VPS13D: variants seen among roughly 807,000 people sequenced by gnomAD.
VPS13D encodes intermembrane lipid transfer protein VPS13D.
Under a neutral mutation model 461.9 loss-of-function variants are expected in VPS13D, and 187 were observed. The ratio of observed to expected loss-of-function variants is 0.40; its 90% confidence interval spans 0.36 to 0.46. The LOEUF (loss-of-function observed/expected upper bound fraction) is 0.46. Among genes scored for constraint, VPS13D ranks in the 20% least tolerant of loss-of-function variants. VPS13D has a pLI of 0.60. For synonymous variants in VPS13D, 1,951 were observed against 1,986.3 expected, an observed-to-expected ratio of 0.98 and a Z score of 0.47; for missense variants, 4,711 against 5,364.9, an observed-to-expected ratio of 0.88 and a Z score of 3.81.
chr1:12,307,199 G>A (rs1642590960), intron 26 of VPS13D, among the ~76,000 whole-genome samples: 1 of 152,104 alleles, frequency 6.6e-6, no homozygotes, highest in Non-Finnish European at 1.5e-5. Flanking sequence ...CTCCTACAGT[G>A]CTACTTATAG....
intron 26 of VPS13D, among the ~76,000 whole-genome samples, chr1:12,306,794 C>G (rs539042258): frequency 2.6e-5 from 4 of 152,216 alleles, no homozygotes; most frequent in South Asian, 4.1e-4. Flanking sequence ...TGAAACTGTT[C>G]CACCGCAGAT....
rs559609370 is a variant in VPS13D, at chr1:12,264,863, T to C, written c.1595-2018T>C. Among the ~76,000 whole-genome samples the C allele has an allele frequency of 7.2e-5, 11 of 152,336 alleles. No homozygotes were observed. The South Asian group carries it at 2.3e-3, about 32-fold the overall frequency. On this transcript the variant is annotated intron_variant, in intron 13 of 69. Coordinates refer to ENST00000620676, the MANE Select transcript of VPS13D (RefSeq NM_015378.4). Reference sequence around the variant, plus strand: ...GGAAGAAAATGCCATCTAGGACTTTTCATAGCTAGAGAGGAGAAGTCAATG... The same window carrying C: ...GGAAGAAAATGCCATCTAGGACTTTCCATAGCTAGAGAGGAGAAGTCAATG...
chr1:12,445,632 GT>G (rs1000973435), intron 65 of VPS13D, among the ~76,000 whole-genome samples: 5 of 152,156 alleles, frequency 3.3e-5, no homozygotes, highest in African/African-American at 1.2e-4. Flanking sequence ...AAGACCAGAG[GT>G]TTCTGAGGAA....
At chr1:12,341,611 A>G (rs1299473065) in intron 40 of VPS13D, among the ~76,000 whole-genome samples, 169 bp from the exon 41 acceptor site, 3 of 152,228 alleles carry the variant, frequency 2.0e-5, no homozygotes, top group East Asian at 1.9e-4. Flanking sequence ...ATTCTCCCAT[A>G]GCAGCCAGCA....
intron 21 of VPS13D, among the ~76,000 whole-genome samples, chr1:12,285,108 G>A (rs953503603): frequency 6.6e-6 from 1 of 152,084 alleles, no homozygotes; most frequent in Non-Finnish European, 1.5e-5. Flanking sequence ...CCTCAACAAT[G>A]CATTTTTTAA....
At chr1:12,285,990 TTCCTC>T (rs1332549731) in intron 21 of VPS13D, among the ~76,000 whole-genome samples, 1,556 of 49,244 alleles carry the variant, frequency 0.032, 48 homozygotes, top group Admixed American at 0.062. Context: ...TTCCTTTCCT[TTCCTC>T]TCCTCTCCTC....
chr1:12,425,861 A>G (rs1356753043), intron 65 of VPS13D, among the ~76,000 whole-genome samples: 1 of 152,154 alleles, frequency 6.6e-6, no homozygotes, highest in East Asian at 1.9e-4. Context: ...GGCAGCCTCT[A>G]TTTTTCCTCC....
chr1:12,401,141 G>A (rs986612353), intron 61 of VPS13D, among the ~76,000 whole-genome samples: 24 of 152,290 alleles, frequency 1.6e-4, no homozygotes, highest in Middle Eastern at 3.4e-3. Flanking sequence ...GAGTCTCCAC[G>A]CACAAGCTAG....
chr1:12,244,060 ATTC>A (rs1281806279), intron 3 of VPS13D, among the ~76,000 whole-genome samples, 183 bp from the exon 4 acceptor site: 1 of 152,220 alleles, frequency 6.6e-6, no homozygotes, highest in East Asian at 1.9e-4. Flanking sequence ...ATTATACCTT[ATTC>A]TTACAGATGT....
chr1:12,418,075 T>A (rs1194404367), intron 65 of VPS13D, among the ~76,000 whole-genome samples: 1 of 152,022 alleles, frequency 6.6e-6, no homozygotes, highest in African/African-American at 2.4e-5. Flanking sequence ...CCCCATTGAT[T>A]TTTTGTATTT....
chr1:12,256,690 GT>G lies in VPS13D; in HGVS notation c.840+207del, dbSNP rs372902457. Among the ~76,000 whole-genome samples, 1,227 of 123,010 alleles carry G rather than the reference GT, an allele frequency of 1.0e-2. 21 individuals are homozygous for G. Among genetic ancestry groups the G allele is most frequent in the African/African-American group, 0.029 (968 of 33,688 alleles). The allele number at this position is 123,010 out of a possible 152,430, so 80.7% of individuals were successfully genotyped here. On this transcript the variant is annotated intron_variant, in intron 8 of 69. Coordinates refer to ENST00000620676, the MANE Select transcript of VPS13D (RefSeq NM_015378.4). ...GTTAAATTGGGTTGATCTCAGGTTA[GT>G]TTTTTTTTTTTTTTTTTTTAATTAG...
chr1:12,398,661 G>T (rs943444509), intron 60 of VPS13D, among the ~76,000 whole-genome samples: 1 of 152,202 alleles, frequency 6.6e-6, no homozygotes, highest in Non-Finnish European at 1.5e-5. Context: ...AGTGTGGCAA[G>T]TGTCCTCTGT....
At chr1:12,499,737 C>T (rs896817379) in intron 68 of VPS13D, 8 of 985,314 alleles carry the variant, frequency 8.1e-6, no homozygotes, top group South Asian at 4.7e-5. Context: ...CACGTGACCA[C>T]GGCCTTCCCA....
At chr1:12,409,487 A>G (rs931127939) in intron 63 of VPS13D, among the ~76,000 whole-genome samples, 3 of 152,200 alleles carry the variant, frequency 2.0e-5, no homozygotes, top group Non-Finnish European at 2.9e-5. Context: ...TTCAGTGGGG[A>G]GTATATAGAC....
intron 67 of VPS13D, among the ~76,000 whole-genome samples, chr1:12,461,853 A>T (rs1314773068): frequency 1.3e-5 from 2 of 152,204 alleles, no homozygotes; most frequent in Non-Finnish European, 2.9e-5. Context: ...CTTGAATTTT[A>T]TACATTGTCA....
chr1:12,285,541 C>T (rs190013795), intron 21 of VPS13D, among the ~76,000 whole-genome samples: 29 of 152,250 alleles, frequency 1.9e-4, no homozygotes, highest in African/African-American at 6.7e-4. Context: ...CTGCCTGCCT[C>T]AGTCTCCCAA....
chr1:12,269,967 T>G (rs925689120), intron 16 of VPS13D, among the ~76,000 whole-genome samples: 6 of 152,046 alleles, frequency 3.9e-5, no homozygotes, highest in Non-Finnish European at 8.8e-5. Flanking sequence ...GGCAACATAG[T>G]GAGACCTCAT....
chr1:12,277,723 A>G lies in VPS13D; in HGVS notation c.4135A>G (p.Ile1379Val), dbSNP rs772641039. Residue 1379 changes from isoleucine to valine, a missense_variant, in exon 19 of 70, where the codon ATA (isoleucine) becomes GTA (valine). This residue lies in a region of VPS13D where 4,411 missense variants were observed against 4,937.8 expected (regional missense o/e 0.89). Transcript: ENST00000620676. ...HLDTVKLILN[I>V]NIESPVVSIP... ...GGACACTGTAAAGCTAATCTTGAACATAAACATTGAATCACCAGTTGTTTC... is the reference window on the plus strand; with the variant it reads ...GGACACTGTAAAGCTAATCTTGAACGTAAACATTGAATCACCAGTTGTTTC... The G allele has an allele frequency of 3.7e-6, 6 of 1,614,128 alleles. No individual in the cohort carries two copies. In the East Asian group the frequency reaches 6.7e-5, roughly 18 times the overall value.
intron 65 of VPS13D, among the ~76,000 whole-genome samples, chr1:12,450,690 C>T (rs1351859577): frequency 6.6e-6 from 1 of 152,166 alleles, no homozygotes; most frequent in Non-Finnish European, 1.5e-5. Context: ...CAGCTGTCAG[C>T]TAATGTAAGT....
Sources: allele counts gnomAD v4.1 joint callset (sites outside exome capture counted in the v4.1 genomes callset), GRCh38; gene constraint gnomAD v4.1.1; regional missense constraint gnomAD v4.1.1; transcripts MANE v1.5; gene names NCBI Gene and HGNC (gene_info 2026-07-23, HGNC 2026-07-21).